Variants in TBC1D19 observed in about 807,000 individuals in gnomAD.
The protein encoded by TBC1D19 is TBC1 domain family, member 19.
Under a neutral mutation model 89.0 loss-of-function variants are expected in TBC1D19, and 60 were observed. The ratio of observed to expected loss-of-function variants is 0.67; its 90% confidence interval spans 0.55 to 0.84. TBC1D19 has a LOEUF of 0.84. Among genes scored for constraint, TBC1D19 ranks in the 40% least tolerant of loss-of-function variants. The pLI is 0.00. For missense variants in TBC1D19, 500 were observed against 610.8 expected (o/e 0.82, Z 1.91); for synonymous variants, 189 against 199.7 (o/e 0.95, Z 0.45).
At chr4:26,579,574 T>C (rs377468344), upstream of TBC1D19, among the ~76,000 whole-genome samples, 38 of 152,048 alleles carry the variant, frequency 2.5e-4, no homozygotes, top group African/African-American at 8.2e-4. Flanking sequence ...ACATGTGCCA[T>C]TGTGGTTTGC....
intron 1 of TBC1D19, among the ~76,000 whole-genome samples, chr4:26,592,929 A>G (rs1389753832): frequency 6.6e-6 from 1 of 152,068 alleles, no homozygotes; most frequent in Non-Finnish European, 1.5e-5. Context: ...TAATTTATAG[A>G]TTCAATGCCA....
At chr4:26,801,147 C>T in the TBC1D19 span, among the ~76,000 whole-genome samples, 2 of 152,136 alleles carry the variant, frequency 1.3e-5, no homozygotes, top group African/African-American at 2.4e-5. Flanking sequence ...TTAGGACTAA[C>T]ATGTAAGTCT....
chr4:26,588,113 C>T (rs1052752595), intron 1 of TBC1D19, among the ~76,000 whole-genome samples: 11 of 150,846 alleles, frequency 7.3e-5, no homozygotes, highest in Non-Finnish European at 1.6e-4. Flanking sequence ...GCAAGCTCCG[C>T]CTCCCGGGTT....
chr4:26,599,950 CAAAAAAAAAAAAAAAA>C (rs36092049), intron 1 of TBC1D19, among the ~76,000 whole-genome samples: 1 of 72,782 alleles, frequency 1.4e-5, no homozygotes, highest in Non-Finnish European at 2.4e-5. Flanking sequence ...TCTGTCTCTC[CAAAAAAAAAAAAAAAA>C]AAAAAAAAAG....
At chr4:26,629,478 C>T (rs540626130) in intron 4 of TBC1D19, among the ~76,000 whole-genome samples, 3 of 152,132 alleles carry the variant, frequency 2.0e-5, no homozygotes, top group Non-Finnish European at 2.9e-5. Context: ...GCACAGTCCC[C>T]AGCCCGTGGT....
At chr4:26,832,242 C>G in the TBC1D19 span, among the ~76,000 whole-genome samples, 1 of 152,226 alleles carries the variant, frequency 6.6e-6, no homozygotes, top group South Asian at 2.1e-4. Context: ...TGCAGTAAAA[C>G]AATCCTTTTG....
At chr4:26,633,531 G>A (rs962754303) in intron 4 of TBC1D19, among the ~76,000 whole-genome samples, 5 of 152,100 alleles carry the variant, frequency 3.3e-5, no homozygotes, top group Non-Finnish European at 5.9e-5. Flanking sequence ...AAAACCAAAA[G>A]CCTGGCAATT....
intron 19 of TBC1D19, 119 bp downstream of exon 19, chr4:26,748,645 A>G (rs1001652667): frequency 5.4e-6 from 4 of 742,134 alleles, no homozygotes; most frequent in Admixed American, 5.4e-5. Context: ...ATGAACAATT[A>G]ATAGATATAT....
rs747239121 is a variant in TBC1D19 at position 26,717,953 on chromosome 4, G to C, written c.975G>C (p.Arg325=). The change falls in exon 14 of 21, where the codon CGG becomes CGC. Residue 325 remains arginine (R), a synonymous_variant. Transcript: ENST00000264866. ...YLYQVLLCFS[R]DTSVLSHFAF... ...TTCAGGTATTACTTTGTTTTTCCCG[G>C]GATACATCTGTGTTGAGTCACTTTG... 17 of 1,611,076 alleles carry C rather than the reference G, an allele frequency of 1.1e-5. No homozygotes were observed. The highest frequency in any genetic ancestry group is 1.4e-5 in the Non-Finnish European group (16 of 1,178,454).
the TBC1D19 span, among the ~76,000 whole-genome samples, chr4:26,795,569 T>C: frequency 6.6e-6 from 1 of 152,146 alleles, no homozygotes; most frequent in Non-Finnish European, 1.5e-5. Context: ...TACAGGATGA[T>C]TGGTGCTGTT....
chr4:26,655,919 G>A (rs1744769548), intron 7 of TBC1D19, among the ~76,000 whole-genome samples: 1 of 152,126 alleles, frequency 6.6e-6, no homozygotes, highest in Non-Finnish European at 1.5e-5. Context: ...GATGAACCTG[G>A]CACCTCAGTT....
At position 26,590,796 on chromosome 4, in the gene TBC1D19, G is replaced by GT. The variant is rs869124166; in HGVS notation, c.99+6535dup. 8.5e-3 allele frequency among the ~76,000 whole-genome samples: 448 copies of GT among 52,916 alleles called. 77 individuals are homozygous for GT. Among genetic ancestry groups the GT allele is most frequent in the African/African-American group, 0.036 (437 of 11,988 alleles). The allele number at this position is 52,916 out of a possible 152,430, so 34.7% of individuals were successfully genotyped here. ...GGTTCACTCTTTGTCTTGCAGGTCT[G>GT]TTTTTTTTTTTTTTTTTTTTTTTTT... On this transcript the variant is annotated intron_variant, in intron 1 of 20. Transcript: ENST00000264866.
chr4:26,742,589 G>A lies in TBC1D19; in HGVS notation c.1309G>A (p.Gly437Arg). 6.2e-7 allele frequency: 1 copy of A among 1,611,718 alleles called. No individual in the cohort carries two copies. Among genetic ancestry groups the A allele is most frequent in the Non-Finnish European group, 8.5e-7 (1 of 1,178,752 alleles). ...ACTCTTTTATCATCTACGAGAAATT[G>A]GGGCTCAACCGTGAGTACTTTTCTC... is the stretch of plus-strand genomic sequence containing the variant. Reference protein sequence around the residue: ...PQLFYHLREIGAQPLRISFKW... With the variant: ...PQLFYHLREIRAQPLRISFKW... Residue 437 changes from glycine (G) to arginine (R), a missense_variant, in exon 18 of 21, where the codon GGG becomes AGG. Gly to Arg is a moderately radical substitution (Grantham distance 125, BLOSUM62 -2). Transcript: ENST00000264866.
chr4:26,595,233 C>G (rs1414914118), intron 1 of TBC1D19, among the ~76,000 whole-genome samples: 1 of 152,126 alleles, frequency 6.6e-6, no homozygotes, highest in Non-Finnish European at 1.5e-5. Flanking sequence ...TGTGTGTCTT[C>G]TTTAGTCAGG....
At chr4:26,851,723 T>G in the TBC1D19 span, among the ~76,000 whole-genome samples, 1 of 152,240 alleles carries the variant, frequency 6.6e-6, no homozygotes, top group African/African-American at 2.4e-5. Flanking sequence ...GTTCTTTTTT[T>G]ATTTTTTGTT....
rs1459910717 is a variant in TBC1D19, at chr4:26,666,358, TA to T, written c.620del (p.Asn207IlefsTer2). Reference protein sequence around the residue: ...ELKECFVELGLNIGQLGIDDS... With the variant: ...ELKECFVELGXNIGQLGIDDS... ...AAAGAATGCTTTGTGGAACTTGGCTTAAATATAGGACAACTGGGTATAGATG... is the reference window on the plus strand; with the variant it reads ...AAAGAATGCTTTGTGGAACTTGGCTTAATATAGGACAACTGGGTATAGATG... On this transcript the variant is annotated frameshift_variant, in exon 9 of 21. Transcript: ENST00000264866. LOFTEE classifies it high-confidence loss of function. 1 of 1,610,958 alleles carries T rather than the reference TA, an allele frequency of 6.2e-7. No homozygotes were observed. Among genetic ancestry groups the T allele is most frequent in the African/African-American group, 1.3e-5 (1 of 74,832 alleles).
At chr4:26,651,798 A>C (rs1744407719) in intron 7 of TBC1D19, among the ~76,000 whole-genome samples, 1 of 152,178 alleles carries the variant, frequency 6.6e-6, no homozygotes, top group Admixed American at 6.5e-5. Flanking sequence ...GCCAGTTTTC[A>C]AAGGGAATTC....
At chr4:26,792,199 C>T in the TBC1D19 span, among the ~76,000 whole-genome samples, 2 of 149,520 alleles carry the variant, frequency 1.3e-5, no homozygotes, top group South Asian at 2.1e-4. Context: ...TTGTGTGTAA[C>T]GTAATTAGTT....
chr4:26,576,814 G>A (rs1738984727), intron 1 of TBC1D19: 1 of 456,046 alleles, frequency 2.2e-6, no homozygotes, highest in African/African-American at 2.0e-5. Context: ...CCAGGACAAG[G>A]GCCAGGTATG....
Sources: allele counts gnomAD v4.1 joint callset (sites outside exome capture counted in the v4.1 genomes callset), GRCh38; gene constraint gnomAD v4.1.1; transcripts MANE v1.5; gene names NCBI Gene and HGNC (gene_info 2026-07-23, HGNC 2026-07-21).